Variants in IMMP2L observed in about 807,000 individuals in gnomAD.
The protein encoded by IMMP2L is inner mitochondrial membrane peptidase subunit 2.
A neutral mutation model predicts 19.3 loss-of-function variants in IMMP2L; 18 were observed. The ratio of observed to expected loss-of-function variants is 0.93; its 90% CI spans 0.64 to 1.38. The LOEUF (loss-of-function observed/expected upper bound fraction) is 1.38, where lower values mean the gene tolerates loss of function less well. IMMP2L is among the 40% of genes most tolerant of loss of function. The probability of loss-of-function intolerance (pLI) is 0.00; values close to 1 mark genes in which losing one functional copy is unlikely to be tolerated. For synonymous variants in IMMP2L, 76 were observed against 73.0 expected (o/e 1.04, Z -0.21); for missense variants, 233 against 218.2 (o/e 1.07, Z -0.43).
chr7:111,510,522 C>T (rs756308500), intron 2 of IMMP2L, among the ~76,000 whole-genome samples: 1 of 152,092 alleles, frequency 6.6e-6, no homozygotes, highest in East Asian at 1.9e-4. Flanking sequence ...GCCAATTCTT[C>T]CAGCTAGCAA....
At chr7:110,704,739 A>C (rs1229008724) in intron 5 of IMMP2L, among the ~76,000 whole-genome samples, 1 of 152,242 alleles carries the variant, frequency 6.6e-6, no homozygotes, top group Non-Finnish European at 1.5e-5. Context: ...TAAGACTATC[A>C]GGAAAAGTAA....
At chr7:111,507,400 A>G (rs548841395) in intron 2 of IMMP2L, among the ~76,000 whole-genome samples, 15 of 152,312 alleles carry the variant, frequency 9.8e-5, no homozygotes, top group African/African-American at 3.1e-4. Context: ...AGCCAAATCT[A>G]TAAGATCATT....
intron 3 of IMMP2L, among the ~76,000 whole-genome samples, chr7:111,428,982 G>A (rs1836362164): frequency 1.3e-5 from 2 of 151,754 alleles, no homozygotes; most frequent in African/African-American, 4.9e-5. Flanking sequence ...CGCGAATGAA[G>A]GCTAGATGGC....
chr7:111,414,027 G>A (rs556377450), intron 3 of IMMP2L, among the ~76,000 whole-genome samples: 3 of 151,756 alleles, frequency 2.0e-5, no homozygotes, highest in East Asian at 1.9e-4. Context: ...CTGGCAAGTC[G>A]CAAGATGTTC....
chr7:111,422,397 T>C (rs1251577644), intron 3 of IMMP2L, among the ~76,000 whole-genome samples: 1 of 151,796 alleles, frequency 6.6e-6, no homozygotes, highest in African/African-American at 2.4e-5. Flanking sequence ...TTCTATTTCA[T>C]TGAGCAGTGG....
chr7:111,055,389 C>T (rs758761813), intron 3 of IMMP2L, among the ~76,000 whole-genome samples: 6 of 152,198 alleles, frequency 3.9e-5, no homozygotes, highest in Non-Finnish European at 7.3e-5. Flanking sequence ...CACACTGATG[C>T]AGGAAGCCTG....
chr7:110,797,452 C>T (rs1033983703), intron 5 of IMMP2L, among the ~76,000 whole-genome samples: 5 of 152,116 alleles, frequency 3.3e-5, no homozygotes, highest in African/African-American at 1.2e-4. Context: ...CTTTCAATAT[C>T]ATCTTCCCTT....
chr7:111,377,544 C>T (rs1830794427), intron 3 of IMMP2L, among the ~76,000 whole-genome samples: 1 of 152,010 alleles, frequency 6.6e-6, no homozygotes, highest in African/African-American at 2.4e-5. Flanking sequence ...CACATGAAAT[C>T]CCCAAATCCC....
At chr7:111,353,238 A>G (rs1328773309) in intron 3 of IMMP2L, among the ~76,000 whole-genome samples, 1 of 152,190 alleles carries the variant, frequency 6.6e-6, no homozygotes, top group Non-Finnish European at 1.5e-5. Flanking sequence ...CCAATGCTCA[A>G]ATCTTCAACT....
chr7:111,064,773 A>G (rs1316182950), intron 3 of IMMP2L, among the ~76,000 whole-genome samples: 1 of 152,196 alleles, frequency 6.6e-6, no homozygotes, highest in Non-Finnish European at 1.5e-5. Context: ...AGGGGGTTAC[A>G]GTGTTGGCTT....
Position 111,066,775 on chromosome 7 carries a change from G to C in IMMP2L, c.240-103210C>G, listed in dbSNP as rs1721850841. On this transcript the variant is annotated intron_variant, in intron 3 of 5. Transcript: ENST00000405709. ...GTGTCTGATTGCCTGGAGGCCTTGG[G>C]TCATGCTAGAGAGTCTACCAATATG... Among the ~76,000 whole-genome samples the C allele has an allele frequency of 2.0e-5, 3 of 152,288 alleles. No homozygotes were observed. The South Asian group carries it at 6.2e-4, about 32-fold the overall frequency.
At chr7:110,932,322 A>G (rs1815583498) in intron 4 of IMMP2L, among the ~76,000 whole-genome samples, 2 of 151,954 alleles carry the variant, frequency 1.3e-5, no homozygotes, top group African/African-American at 2.4e-5. Flanking sequence ...TTCAGAATCT[A>G]CTTTCCTAGT....
chr7:111,473,287 C>T (rs760418301), intron 3 of IMMP2L, among the ~76,000 whole-genome samples: 18 of 152,122 alleles, frequency 1.2e-4, no homozygotes, highest in Non-Finnish European at 1.9e-4. Context: ...GTTTGTGGCC[C>T]CTCTTCACAT....
intron 3 of IMMP2L, among the ~76,000 whole-genome samples, chr7:111,082,826 G>C (rs1795992333): frequency 6.8e-6 from 1 of 147,198 alleles, no homozygotes; most frequent in Non-Finnish European, 1.5e-5. Context: ...TCATGTCTAT[G>C]GAATGGAAAG....
chr7:110,728,902 CTGTTTTGTTT>C lies in IMMP2L; in HGVS notation c.409-65191_409-65182del, dbSNP rs529771155. On this transcript the variant is annotated intron_variant, in intron 5 of 5. Coordinates refer to ENST00000405709, the MANE Select transcript of IMMP2L (RefSeq NM_032549.4). This position sits in a 1 kb window ranked among gnomAD's most constrained non-coding sequence, Gnocchi z 4.6. ...AAGTGGGATAAACAGTTGTATTAGT[CTGTTTTGTTT>C]TGTTTTGTTTTGTTTTCACCCAGGC... Among the ~76,000 whole-genome samples the C allele has an allele frequency of 4.6e-5, 7 of 151,944 alleles. No individual in the cohort carries two copies. The highest frequency in any genetic ancestry group is 1.2e-4 in the African/African-American group (5 of 41,376).
In IMMP2L at chr7:111,355,239, T is replaced by A. The variant is rs888678375; in HGVS notation, c.239+131999A>T. Among the ~76,000 whole-genome samples, 5 of 151,858 alleles carry A rather than the reference T, an allele frequency of 3.3e-5. 1 individual carries two copies. Among genetic ancestry groups the A allele is most frequent in the Non-Finnish European group, 7.4e-5 (5 of 67,848 alleles). On this transcript the variant is annotated intron_variant, in intron 3 of 5. Coordinates refer to ENST00000405709, the MANE Select transcript of IMMP2L (RefSeq NM_032549.4). ...TTTTTACAATGTACATCGAATTTTT[T>A]AAAAATCAAAATGAATAAATTTTTA...
intron 3 of IMMP2L, among the ~76,000 whole-genome samples, chr7:111,182,755 C>T (rs1485602957): frequency 2.0e-5 from 3 of 151,884 alleles, no homozygotes; most frequent in Admixed American, 6.6e-5. Flanking sequence ...AGAAAAAAAT[C>T]TGATCCTACA....
chr7:111,432,974 A>G (rs542990831), intron 3 of IMMP2L, among the ~76,000 whole-genome samples: 1 of 151,814 alleles, frequency 6.6e-6, no homozygotes, highest in African/African-American at 2.4e-5. Context: ...AGAAAAAAAA[A>G]AACACACCTG....
At chr7:110,891,045 C>A (rs1341089905) in intron 4 of IMMP2L, among the ~76,000 whole-genome samples, 2 of 151,810 alleles carry the variant, frequency 1.3e-5, no homozygotes, top group South Asian at 2.1e-4. Context: ...ATTCTTATTT[C>A]TTTATTTTTC....
Sources: allele counts gnomAD v4.1 joint callset (sites outside exome capture counted in the v4.1 genomes callset), GRCh38; gene constraint gnomAD v4.1.1; non-coding constraint Gnocchi (gnomAD v3.1); transcripts MANE v1.5; gene names NCBI Gene and HGNC (gene_info 2026-07-23, HGNC 2026-07-21).